CBLB: variants seen among roughly 807,000 people sequenced by gnomAD.
The protein encoded by CBLB is Cbl proto-oncogene B.
CBLB carries 31 observed loss-of-function variants against 104.9 expected under a neutral mutation model. The observed-to-expected ratio is 0.30, with a 90% CI of 0.22 to 0.40. The LOEUF is 0.40. CBLB is among the 10% of genes least tolerant of loss of function. CBLB has a pLI of 1.00. For synonymous variants in CBLB, 440 were observed against 422.6 expected, an observed-to-expected ratio of 1.04 and a Z score of -0.51; for missense variants, 1,062 against 1,214.6, an observed-to-expected ratio of 0.87 and a Z score of 1.87.
At chr3:105,779,445 T>A (rs2079881095) in intron 3 of CBLB, among the ~76,000 whole-genome samples, 1 of 152,228 alleles carries the variant, frequency 6.6e-6, no homozygotes, top group East Asian at 1.9e-4. Context: ...ACATTTTGCC[T>A]TTAGTCTTGA....
At chr3:105,769,135 G>A (rs2078567175) in intron 4 of CBLB, among the ~76,000 whole-genome samples, 1 of 151,666 alleles carries the variant, frequency 6.6e-6, no homozygotes, top group Admixed American at 6.6e-5. Flanking sequence ...CCAACATGGA[G>A]AAACTCCACG....
chr3:105,702,980 G>A (rs2069474105), intron 11 of CBLB, among the ~76,000 whole-genome samples: 1 of 152,068 alleles, frequency 6.6e-6, no homozygotes, highest in African/African-American at 2.4e-5. Flanking sequence ...TTCTTTATCG[G>A]TTATTACCAG....
intron 4 of CBLB, among the ~76,000 whole-genome samples, chr3:105,770,179 T>C (rs553554704): frequency 6.6e-6 from 1 of 152,204 alleles, no homozygotes; most frequent in Non-Finnish European, 1.5e-5. Flanking sequence ...CAGTGTGAAT[T>C]TTTTCCCAAA....
At chr3:105,861,144 A>T (rs957142012) in intron 2 of CBLB, among the ~76,000 whole-genome samples, 3 of 152,054 alleles carry the variant, frequency 2.0e-5, no homozygotes, top group Non-Finnish European at 4.4e-5. Context: ...AACAAAAAAA[A>T]CCTTTAGTAA....
intron 3 of CBLB, among the ~76,000 whole-genome samples, chr3:105,812,711 T>C (rs1311438362): frequency 6.6e-6 from 1 of 152,180 alleles, no homozygotes; most frequent in Non-Finnish European, 1.5e-5. Flanking sequence ...CTCAGGAAGA[T>C]CTTATAGGTG....
chr3:105,687,838 C>CA (rs537986457), intron 13 of CBLB, among the ~76,000 whole-genome samples: 7 of 148,868 alleles, frequency 4.7e-5, no homozygotes, highest in Non-Finnish European at 9.0e-5. Flanking sequence ...TGGTTTCTAT[C>CA]AAAAAAAATA....
At chr3:105,722,323 T>C (rs950376349) in intron 9 of CBLB, among the ~76,000 whole-genome samples, 5 of 151,874 alleles carry the variant, frequency 3.3e-5, no homozygotes, top group Admixed American at 2.6e-4. Flanking sequence ...CATAGTCTCA[T>C]ACATTTAAAA....
intron 3 of CBLB, among the ~76,000 whole-genome samples, chr3:105,799,143 GAGAA>G (rs2082551342): frequency 1.0e-5 from 1 of 98,310 alleles, no homozygotes. Flanking sequence ...ATAGCAGTGA[GAGAA>G]AGAAACACAT....
At chr3:105,768,875 G>A (rs1464627497) in intron 4 of CBLB, among the ~76,000 whole-genome samples, 1 of 152,238 alleles carries the variant, frequency 6.6e-6, no homozygotes, top group East Asian at 1.9e-4. Context: ...CAGATGAAAA[G>A]AAAGAGGGAA....
At chr3:105,663,419 G>T in intron 18 of CBLB, among the ~76,000 whole-genome samples, 1 of 152,164 alleles carries the variant, frequency 6.6e-6, no homozygotes, top group East Asian at 1.9e-4. Context: ...CTGCTTGACT[G>T]ATCACAGGTT....
intron 3 of CBLB, among the ~76,000 whole-genome samples, chr3:105,791,187 T>C (rs902372139): frequency 6.6e-6 from 1 of 152,112 alleles, no homozygotes; most frequent in African/African-American, 2.4e-5. Flanking sequence ...ATTTAACAAA[T>C]TGAGAAAACA....
At chr3:105,826,003 T>C (rs1300879222) in intron 3 of CBLB, among the ~76,000 whole-genome samples, 1 of 152,124 alleles carries the variant, frequency 6.6e-6, no homozygotes, top group East Asian at 1.9e-4. Context: ...CTTGAAAAGA[T>C]AGCTTCAACT....
At chr3:105,817,888 T>C (rs2085286873) in intron 3 of CBLB, among the ~76,000 whole-genome samples, 2 of 152,228 alleles carry the variant, frequency 1.3e-5, no homozygotes, top group Non-Finnish European at 2.9e-5. Flanking sequence ...CAACAAAAGC[T>C]AATTTGCATT....
chr3:105,745,934 A>G lies in CBLB; in HGVS notation c.828T>C (p.Tyr276=), dbSNP rs1465998229. 3.1e-6 allele frequency: 5 copies of G among 1,612,052 alleles called. No homozygotes were observed. The highest frequency in any genetic ancestry group is 4.2e-6 in the Non-Finnish European group (5 of 1,178,176). ...AGTCTTACCTTCCGGGTTTGGTGCT[A>G]TATTTCTGTAGTCGTGCTTTAACTT... is the stretch of plus-strand genomic sequence containing the variant. ...YDEVKARLQK[Y]STKPGSYIFR... is the part of the protein sequence containing the mutation. Residue 276 remains tyrosine (Y), a synonymous_variant, in exon 6 of 19, where the codon TAT becomes TAC. Transcript: ENST00000394030.
At chr3:105,732,669 T>C (rs760413156) in intron 9 of CBLB, among the ~76,000 whole-genome samples, 7 of 152,130 alleles carry the variant, frequency 4.6e-5, no homozygotes, top group African/African-American at 1.2e-4. Flanking sequence ...TTTATGACTA[T>C]GAAAATGGGA....
intron 4 of CBLB, among the ~76,000 whole-genome samples, chr3:105,771,542 A>AT: frequency 6.6e-6 from 1 of 152,076 alleles, no homozygotes; most frequent in Admixed American, 6.6e-5. Context: ...GAGCAATCCA[A>AT]TAAAAAAAAA....
chr3:105,743,836 C>T (rs1378171461), intron 6 of CBLB, among the ~76,000 whole-genome samples: 1 of 151,094 alleles, frequency 6.6e-6, no homozygotes, highest in African/African-American at 2.4e-5. Flanking sequence ...TCTTTAGTAC[C>T]CATGTCATAC....
intron 2 of CBLB, among the ~76,000 whole-genome samples, chr3:105,863,649 T>C (rs1408491306): frequency 6.6e-6 from 1 of 152,172 alleles, no homozygotes; most frequent in East Asian, 1.9e-4. Flanking sequence ...TATATTATGA[T>C]CACAATTAAA....
intron 17 of CBLB, among the ~76,000 whole-genome samples, chr3:105,676,768 G>A (rs185334881): frequency 6.6e-5 from 10 of 152,322 alleles, no homozygotes; most frequent in East Asian, 1.9e-4. Context: ...TAATCCCCAC[G>A]TGTTAGGGAG....
Sources: gnomAD v4.1 joint callset for allele counts (sites outside exome capture counted in the v4.1 genomes callset) on GRCh38, gnomAD v4.1.1 for gene constraint, MANE v1.5 for transcripts, NCBI Gene and HGNC (gene_info 2026-07-23, HGNC 2026-07-21) for gene names.